TYW1: variants seen among roughly 807,000 people sequenced by gnomAD.
The protein encoded by TYW1 is tRNA-yW synthesizing protein 1 homolog, also known as S-adenosyl-L-methionine-dependent tRNA 4-demethylwyosine synthase TYW1.
In TYW1, 46 loss-of-function variants were observed where a neutral mutation model predicts 96.2. That is an observed-to-expected ratio of 0.48 (90% CI 0.38 to 0.61). The LOEUF (loss-of-function observed/expected upper bound fraction) is 0.61, where lower values mean the gene tolerates loss of function less well. Among genes scored for constraint, TYW1 ranks in the 20% least tolerant of loss-of-function variants. TYW1 has a pLI of 0.00. For synonymous variants in TYW1, 274 were observed against 323.0 expected (o/e 0.85, Z 1.63); for missense variants, 684 against 909.6 (o/e 0.75, Z 3.19).
intron 14 of TYW1, among the ~76,000 whole-genome samples, chr7:67,184,330 G>T (rs1289729551): frequency 2.0e-5 from 3 of 152,070 alleles, no homozygotes; most frequent in Non-Finnish European, 4.4e-5. Context: ...GTGGATTGGT[G>T]CCTACAGTTA....
chr7:67,083,357 T>C, intron 10 of TYW1, 73 bp from the exon 11 acceptor site: 17 of 1,456,390 alleles, frequency 1.2e-5, no homozygotes, highest in Non-Finnish European at 1.5e-5. Flanking sequence ...TAAAAATGGA[T>C]GACTTCATCA....
At chr7:67,202,402 T>C (rs1800631417) in intron 15 of TYW1, among the ~76,000 whole-genome samples, 1 of 151,840 alleles carries the variant, frequency 6.6e-6, no homozygotes, top group South Asian at 2.1e-4. Context: ...TTTATTTTTT[T>C]TATTTTGGAG....
intron 15 of TYW1, among the ~76,000 whole-genome samples, chr7:67,209,057 T>TA (rs1430232742): frequency 1.3e-5 from 2 of 152,236 alleles, no homozygotes; most frequent in Admixed American, 1.3e-4. Flanking sequence ...GCAGGCTACT[T>TA]AGTGGCTAGG....
chr7:67,075,698 A>G (rs1796180517), intron 10 of TYW1, among the ~76,000 whole-genome samples: 2 of 152,224 alleles, frequency 1.3e-5, no homozygotes, highest in African/African-American at 4.8e-5. Flanking sequence ...CAGAAAGTAG[A>G]ATAGTGGTTG....
intron 14 of TYW1, among the ~76,000 whole-genome samples, chr7:67,185,771 T>C (rs1368209279): frequency 2.0e-5 from 3 of 152,234 alleles, no homozygotes; most frequent in Non-Finnish European, 4.4e-5. Flanking sequence ...AATGGCTTTT[T>C]TAGGCAACTA....
intron 13 of TYW1, among the ~76,000 whole-genome samples, chr7:67,181,113 A>G (rs1799827876): frequency 6.6e-6 from 1 of 152,142 alleles, no homozygotes; most frequent in South Asian, 2.1e-4. Flanking sequence ...AAACTATATC[A>G]GATACCTTTG....
intron 15 of TYW1, among the ~76,000 whole-genome samples, chr7:67,228,489 T>C (rs1437657135): frequency 6.6e-6 from 1 of 152,178 alleles, no homozygotes; most frequent in Non-Finnish European, 1.5e-5. Flanking sequence ...GAGATTTGGG[T>C]GGAAACACAG....
At chr7:67,183,984 T>A (rs1488288702) in intron 14 of TYW1, among the ~76,000 whole-genome samples, 4 of 152,022 alleles carry the variant, frequency 2.6e-5, no homozygotes, top group Non-Finnish European at 5.9e-5. Flanking sequence ...CACGCCACTA[T>A]GCCTGGCTAT....
chr7:67,184,774 C>A (rs79134277), intron 14 of TYW1, among the ~76,000 whole-genome samples: 20,298 of 151,102 alleles, frequency 0.13, 1,734 homozygotes, highest in East Asian at 0.29. Context: ...GTGGCGTGAT[C>A]TTGGCTCACT....
intron 5 of TYW1, among the ~76,000 whole-genome samples, chr7:67,015,221 C>T (rs1180797698): frequency 2.0e-5 from 3 of 152,072 alleles, no homozygotes; most frequent in Non-Finnish European, 4.4e-5. Context: ...CCAGGCTGTT[C>T]TCGAACTCCT....
At chr7:67,169,355 G>A (rs1403544903) in intron 13 of TYW1, among the ~76,000 whole-genome samples, 1 of 152,110 alleles carries the variant, frequency 6.6e-6, no homozygotes, top group East Asian at 1.9e-4. Flanking sequence ...CTTACAGTTA[G>A]TATAATGTTT....
In TYW1 at chr7:67,018,105, T is replaced by G; in HGVS notation, c.823T>G (p.Ser275Ala). 1 of 1,613,964 alleles carries G rather than the reference T, an allele frequency of 6.2e-7. No individual in the cohort carries two copies. Among genetic ancestry groups the G allele is most frequent in the East Asian group, 2.2e-5 (1 of 44,864 alleles). Residue 275 changes from serine (S) to alanine (A), a missense_variant, in exon 6 of 16, where the codon TCT (serine) becomes GCT (alanine). Transcript: ENST00000359626. Reference sequence around the variant, plus strand: ...TGGCTCAGAGGAGAGGGAGGAAGGATCTCATGAGCAGGATGAATTGCATCA... The same window carrying G: ...TGGCTCAGAGGAGAGGGAGGAAGGAGCTCATGAGCAGGATGAATTGCATCA... Reference protein sequence around the residue: ...QHGSEEREEGSHEQDELHHRD... With the variant: ...QHGSEEREEGAHEQDELHHRD...
At chr7:67,186,467 T>A (rs974237246) in intron 14 of TYW1, among the ~76,000 whole-genome samples, 2 of 152,120 alleles carry the variant, frequency 1.3e-5, no homozygotes, top group African/African-American at 4.8e-5. Context: ...GATAAAGCCT[T>A]CTGTCTATAG....
In TYW1 at chr7:67,092,674, C is replaced by CTTT. The variant is rs3980762; in HGVS notation, c.1385-5843_1385-5841dup. ...TTCTTTTCCACGTGCCTATCACCTT[C>CTTT]TTTTTTTTTTTTTTTTTTTTTTTTT... On this transcript the variant is annotated intron_variant, in intron 11 of 15. Transcript: ENST00000359626. 1.3e-3 allele frequency among the ~76,000 whole-genome samples: 124 copies of CTTT among 92,450 alleles called. 17 individuals carry two copies. Among genetic ancestry groups the CTTT allele is most frequent in the South Asian group, 1.8e-3 (5 of 2,846 alleles). 60.7% of individuals were successfully genotyped at this position (92,450 alleles called of 152,430 possible).
intron 11 of TYW1, among the ~76,000 whole-genome samples, chr7:67,089,859 C>T (rs944305406): frequency 2.0e-5 from 3 of 152,286 alleles, no homozygotes; most frequent in African/African-American, 7.2e-5. Context: ...TTCAGTGCCA[C>T]TCAGCGTCTA....
intron 15 of TYW1, among the ~76,000 whole-genome samples, chr7:67,209,459 C>T (rs1318545418): frequency 6.6e-6 from 1 of 152,208 alleles, no homozygotes; most frequent in Non-Finnish European, 1.5e-5. Context: ...ATATTGGCAA[C>T]ATCCTAGTAC....
At chr7:67,114,636 A>C (rs997482993) in intron 12 of TYW1, among the ~76,000 whole-genome samples, 1 of 152,174 alleles carries the variant, frequency 6.6e-6, no homozygotes, top group African/African-American at 2.4e-5. Flanking sequence ...TCTCAGATAC[A>C]GGAATTATTA....
At position 67,014,572 on chromosome 7, in the gene TYW1, A is replaced by G. The variant is rs780936547; in HGVS notation, c.570+11A>G. 6.3e-7 allele frequency: 1 copy of G among 1,595,832 alleles called. No individual in the cohort carries two copies. The highest frequency in any genetic ancestry group is 1.1e-5 in the South Asian group (1 of 88,360). On this transcript the variant is annotated intron_variant, in intron 5 of 15. Transcript: ENST00000359626. ...AGCCACTTCAACAAGGTAGGTCTAT[A>G]TTGAATTATAGGAATAAATTCTCCC...
chr7:67,197,471 G>A (rs553271569), intron 15 of TYW1, among the ~76,000 whole-genome samples: 12 of 152,226 alleles, frequency 7.9e-5, no homozygotes, highest in East Asian at 3.9e-4. Flanking sequence ...GACTACAGGC[G>A]TGAGCCACCA....
Sources: allele counts gnomAD v4.1 joint callset (sites outside exome capture counted in the v4.1 genomes callset), GRCh38; gene constraint gnomAD v4.1.1; transcripts MANE v1.5; gene names NCBI Gene and HGNC (gene_info 2026-07-23, HGNC 2026-07-21).